The following P4HA1 variants were observed in gnomAD, a reference collection of about 807,000 sequenced individuals.
The protein encoded by P4HA1 is prolyl 4-hydroxylase subunit alpha-1.
In P4HA1, 24 loss-of-function variants were observed where a neutral mutation model predicts 72.8. The ratio of observed to expected loss-of-function variants is 0.33; its 90% CI spans 0.24 to 0.46. The LOEUF (loss-of-function observed/expected upper bound fraction) is 0.46. Among genes scored for constraint, P4HA1 ranks in the 20% least tolerant of loss-of-function variants. P4HA1 has a pLI of 1.00. For synonymous variants in P4HA1, 201 were observed against 218.8 expected (o/e 0.92, Z 0.72); for missense variants, 446 against 640.6 (o/e 0.70, Z 3.28).
intron 1 of P4HA1, among the ~76,000 whole-genome samples, chr10:73,083,480 ACTGAAAGTGCTACACAGGCTGT>A (rs1443764018): frequency 6.6e-6 from 1 of 152,192 alleles, no homozygotes; most frequent in Non-Finnish European, 1.5e-5. Context: ...ATTGCCCTTA[ACTGAAAGTGCTACACAGGCTGT>A]CTTTTGGAAG....
At position 73,053,499 on chromosome 10, in the gene P4HA1, C is replaced by T; in HGVS notation, c.555G>A (p.Leu185=). Residue 185 remains leucine, a synonymous_variant, in exon 6 of 15, where the codon CTG becomes CTA. Transcript: ENST00000394890. The stretch of plus-strand genomic sequence containing the variant: ...GTTGCCTTAGGGCTTGTTCCATCCA[C>T]AGTTCCGTATGGTAATAATCTGCTT... The part of the protein sequence containing the change: ...YTEADYYHTE[L]WMEQALRQLD... The T allele has an allele frequency of 1.2e-6, 2 of 1,614,100 alleles. No individual in the cohort carries two copies. Among genetic ancestry groups the T allele is most frequent in the Non-Finnish European group, 1.7e-6 (2 of 1,179,958 alleles).
At chr10:73,034,714 A>G (rs1840527108) in intron 9 of P4HA1, among the ~76,000 whole-genome samples, 1 of 151,648 alleles carries the variant, frequency 6.6e-6, no homozygotes, top group African/African-American at 2.4e-5. Flanking sequence ...CAGCCTCCCA[A>G]GTAGCTGGGA....
chr10:73,075,211 G>A (rs189343322), intron 1 of P4HA1, among the ~76,000 whole-genome samples: 380 of 152,176 alleles, frequency 2.5e-3, no homozygotes, highest in African/African-American at 8.7e-3. Context: ...GGGTTCAAGC[G>A]ATTCTCATGC....
At chr10:73,011,809 G>C (rs1189909413) in intron 12 of P4HA1, among the ~76,000 whole-genome samples, 2 of 152,100 alleles carry the variant, frequency 1.3e-5, no homozygotes, top group Non-Finnish European at 2.9e-5. Flanking sequence ...ACACAAAAAT[G>C]TAAGATTTTG....
At chr10:73,096,109 T>C (rs904000535) in intron 1 of P4HA1, among the ~76,000 whole-genome samples, 1 of 152,198 alleles carries the variant, frequency 6.6e-6, no homozygotes, top group Non-Finnish European at 1.5e-5. Flanking sequence ...GACGACGAGG[T>C]GACCTGAGAG....
intron 1 of P4HA1, among the ~76,000 whole-genome samples, chr10:73,096,363 G>A (rs1842164995): frequency 1.3e-5 from 2 of 152,086 alleles, no homozygotes; most frequent in Admixed American, 6.5e-5. Flanking sequence ...AAAAGCCCAC[G>A]CCCCGCGCTT....
At chr10:73,075,755 G>A (rs1181413096) in intron 1 of P4HA1, among the ~76,000 whole-genome samples, 1 of 151,562 alleles carries the variant, frequency 6.6e-6, no homozygotes, top group Non-Finnish European at 1.5e-5. Context: ...GTGTGTGTGT[G>A]TGTGTATGTG....
At chr10:73,028,391 T>C (rs1840345752) in intron 10 of P4HA1, among the ~76,000 whole-genome samples, 1 of 152,030 alleles carries the variant, frequency 6.6e-6, no homozygotes, top group South Asian at 2.1e-4. Context: ...ATTAACTGTC[T>C]TTAAGAATAC....
At position 73,010,264 on chromosome 10, in the gene P4HA1, G is replaced by A. The variant is rs567940428; in HGVS notation, c.1438-361C>T. Among the ~76,000 whole-genome samples the A allele has an allele frequency of 2.0e-4, 30 of 152,142 alleles. No homozygotes were observed. In the South Asian group the frequency reaches 5.0e-3, roughly 25 times the overall value. ...ATTACAGACGTGAGCCACCGTGCCC[G>A]GCCGTTTTCAGCAGTAATTTTCCCT... On this transcript the variant is annotated intron_variant, in intron 13 of 14. Coordinates refer to ENST00000394890, the MANE Select transcript of P4HA1 (RefSeq NM_001017962.3).
chr10:73,012,651 A>T (rs1839931002), intron 12 of P4HA1, among the ~76,000 whole-genome samples: 1 of 152,172 alleles, frequency 6.6e-6, no homozygotes, highest in Non-Finnish European at 1.5e-5. Context: ...CAGGAAGAGA[A>T]AAAGGAAATA....
intron 14 of P4HA1, among the ~76,000 whole-genome samples, chr10:73,008,496 TGTG>T (rs1349247746): frequency 2.0e-5 from 3 of 152,172 alleles, no homozygotes; most frequent in Non-Finnish European, 4.4e-5. Flanking sequence ...TGTACACACT[TGTG>T]TGCGTGTATG....
At chr10:73,028,170 T>C (rs1244976418) in intron 10 of P4HA1, among the ~76,000 whole-genome samples, 3 of 151,968 alleles carry the variant, frequency 2.0e-5, no homozygotes, top group Non-Finnish European at 4.4e-5. Context: ...CACAGTTTTA[T>C]GAATCTCACT....
intron 8 of P4HA1, among the ~76,000 whole-genome samples, 156 bp downstream of exon 8, chr10:73,046,769 T>C (rs1840875393): frequency 6.6e-6 from 1 of 152,162 alleles, no homozygotes; most frequent in East Asian, 1.9e-4. Flanking sequence ...AAAACTGGCA[T>C]AAACACAGCA....
At chr10:73,014,416 G>A in intron 11 of P4HA1, 127 bp from the exon 12 acceptor site, 1 of 683,768 alleles carries the variant, frequency 1.5e-6, no homozygotes. Context: ...AGTTTCCCTT[G>A]TAATGTCCAG....
At chr10:73,022,794 C>A (rs896660071) in intron 10 of P4HA1, among the ~76,000 whole-genome samples, 2 of 152,096 alleles carry the variant, frequency 1.3e-5, no homozygotes, top group Non-Finnish European at 2.9e-5. Flanking sequence ...GTAGAGAAGA[C>A]CTTGAATGAC....
At chr10:73,092,827 G>A (rs185427759) in intron 1 of P4HA1, among the ~76,000 whole-genome samples, 2 of 152,084 alleles carry the variant, frequency 1.3e-5, no homozygotes, top group East Asian at 3.9e-4. Flanking sequence ...TGTCCAACAA[G>A]AGAGTAAGGA....
intron 1 of P4HA1, among the ~76,000 whole-genome samples, chr10:73,088,186 C>T (rs951801604): frequency 6.6e-6 from 1 of 152,150 alleles, no homozygotes; most frequent in East Asian, 1.9e-4. Flanking sequence ...TGCGACCAGA[C>T]CCGGCCTACG....
At chr10:73,029,372 T>C (rs1278708496) in intron 10 of P4HA1, among the ~76,000 whole-genome samples, 4 of 143,478 alleles carry the variant, frequency 2.8e-5, no homozygotes, top group Non-Finnish European at 5.9e-5. Context: ...ATCATGTCAC[T>C]GCACTCCAGC....
At chr10:73,093,856 A>AATAAAAT (rs1842089919) in intron 1 of P4HA1, among the ~76,000 whole-genome samples, 2 of 62,328 alleles carry the variant, frequency 3.2e-5, no homozygotes, top group African/African-American at 1.7e-4. Flanking sequence ...AAAAAAAAAA[A>AATAAAAT]AAAAAAAAAA....
Sources: allele counts gnomAD v4.1 joint callset (sites outside exome capture counted in the v4.1 genomes callset), GRCh38; gene constraint gnomAD v4.1.1; transcripts MANE v1.5; gene names NCBI Gene and HGNC (gene_info 2026-07-23, HGNC 2026-07-21).